The following MEGF6 variants were observed in gnomAD, a reference collection of about 807,000 sequenced individuals.
MEGF6 encodes multiple epidermal growth factor-like domains protein 6.
MEGF6 carries 184 observed loss-of-function variants against 207.1 expected under a neutral mutation model. That is an observed-to-expected ratio of 0.89 (90% confidence interval 0.79 to 1.00). The LOEUF is 1.00. Ranked by LOEUF, MEGF6 falls within the 50% of genes least tolerant of loss-of-function variation. The probability of loss-of-function intolerance (pLI) is 0.00; values close to 1 mark genes in which losing one functional copy is unlikely to be tolerated. For synonymous variants in MEGF6, 1,038 were observed against 910.0 expected (o/e 1.14, Z -2.53); for missense variants, 2,282 against 2,202.9 (o/e 1.04, Z -0.72).
Position 3,494,594 on chromosome 1 carries a change from G to A in MEGF6, c.4000+19C>T, listed in dbSNP as rs758737799. On this transcript the variant is annotated intron_variant, in intron 31 of 36. Transcript: ENST00000356575. ...CTCCCTGAGGGGATGCTGGGGTCCCGCTGGCCCCGCACACTCACCCAGCTC... is the reference window on the plus strand; with the variant it reads ...CTCCCTGAGGGGATGCTGGGGTCCCACTGGCCCCGCACACTCACCCAGCTC... 3.2e-6 allele frequency: 5 copies of A among 1,559,040 alleles called. No individual in the cohort carries two copies. The highest frequency in any genetic ancestry group is 3.5e-6 in the Non-Finnish European group (4 of 1,155,090).
the MEGF6 span, among the ~76,000 whole-genome samples, chr1:3,619,813 G>A: frequency 1.3e-5 from 2 of 152,232 alleles, no homozygotes; most frequent in African/African-American, 4.8e-5. Context: ...CTGATATTAA[G>A]ATACCTGAAA....
At chr1:3,569,032 C>T (rs1419257794) in intron 4 of MEGF6, among the ~76,000 whole-genome samples, 1 of 152,194 alleles carries the variant, frequency 6.6e-6, no homozygotes, top group Admixed American at 6.5e-5. Context: ...CTGGCAGCTG[C>T]CCGGTACGGG....
chr1:3,571,396 GC>G (rs1332219805), intron 4 of MEGF6, among the ~76,000 whole-genome samples: 1 of 152,102 alleles, frequency 6.6e-6, no homozygotes, highest in Non-Finnish European at 1.5e-5. Flanking sequence ...ACCAAGGCCA[GC>G]CTGCCCCAAA....
intron 4 of MEGF6, among the ~76,000 whole-genome samples, chr1:3,542,588 C>T (rs372849120): frequency 9.2e-5 from 14 of 152,300 alleles, no homozygotes; most frequent in East Asian, 3.9e-4. Flanking sequence ...ATGGGCCACA[C>T]GAGTGGGGCA....
chr1:3,529,243 G>A (rs902751248), intron 4 of MEGF6, among the ~76,000 whole-genome samples: 9 of 152,198 alleles, frequency 5.9e-5, no homozygotes, highest in Non-Finnish European at 1.3e-4. Context: ...GAGACTCAGA[G>A]GCCAGTGTGG....
At chr1:3,509,294 T>A in intron 11 of MEGF6, 49 bp from the exon 12 acceptor site, 1 of 1,378,198 alleles carries the variant, frequency 7.3e-7, no homozygotes, top group Non-Finnish European at 9.4e-7. Context: ...ACCTGCCTGC[T>A]CCAGCGACCC....
At chr1:3,511,004 C>T in intron 9 of MEGF6, 102 bp from the exon 10 acceptor site, 3 of 1,471,394 alleles carry the variant, frequency 2.0e-6, no homozygotes, top group South Asian at 2.7e-5. Context: ...CCCACGCGCC[C>T]GACTGCACCT....
chr1:3,514,663 G>T lies in MEGF6; in HGVS notation c.740C>A (p.Pro247Gln). The T allele has an allele frequency of 1.9e-6, 3 of 1,580,440 alleles. No individual in the cohort carries two copies. The South Asian group carries it at 3.4e-5, about 18-fold the overall frequency. The change falls in exon 7 of 37, where the codon CCG becomes CAG. Residue 247 changes from proline to glutamine, a missense_variant. By Grantham distance (76) the Pro-to-Gln change is moderately conservative. Transcript: ENST00000356575. ...EDGRHCVRRS[P>Q]CANRNGSCMH... is the part of the protein sequence containing the mutation. ...GCAGCTGCCGTTCCTGTTGGCACACGGGCTTCTACCTGCAGCCACGGGCCC... is the reference window on the plus strand; with the variant it reads ...GCAGCTGCCGTTCCTGTTGGCACACTGGCTTCTACCTGCAGCCACGGGCCC...
intron 4 of MEGF6, among the ~76,000 whole-genome samples, chr1:3,567,108 C>T (rs1326548545): frequency 1.3e-5 from 2 of 152,248 alleles, no homozygotes. Flanking sequence ...GGCCCCAGCC[C>T]TGGTCGCACG....
rs954416618 is a variant in MEGF6, at chr1:3,494,105, G to A, written c.4149C>T (p.His1383=). ...ACEHPCPPGF[H]GAGCQGLCWC... Reference sequence around the variant, plus strand: ...AGCACAACCCCTGGCAGCCAGCCCCGTGGAAGCCAGGGGGACAGGCTGAAG... The same window carrying A: ...AGCACAACCCCTGGCAGCCAGCCCCATGGAAGCCAGGGGGACAGGCTGAAG... Residue 1383 remains histidine, a synonymous_variant, in exon 33 of 37, where the codon CAC becomes CAT. Coordinates refer to ENST00000356575, the MANE Select transcript of MEGF6 (RefSeq NM_001409.4). The A allele has an allele frequency of 7.6e-6, 12 of 1,577,040 alleles. No individual in the cohort carries two copies. Among genetic ancestry groups the A allele is most frequent in the Admixed American group, 1.8e-5 (1 of 56,402 alleles).
chr1:3,501,726 G>A, intron 18 of MEGF6, 70 bp downstream of exon 18: 2 of 1,561,324 alleles, frequency 1.3e-6, no homozygotes, highest in South Asian at 2.4e-5. Context: ...GGCCCCCACA[G>A]TTCAGGGCCC....
At chr1:3,612,105 C>A, upstream of MEGF6, among the ~76,000 whole-genome samples, 1 of 152,200 alleles carries the variant, frequency 6.6e-6, no homozygotes, top group East Asian at 1.9e-4. Context: ...GCGTGGCCAG[C>A]CTCTGCAGCC....
intron 2 of MEGF6, among the ~76,000 whole-genome samples, chr1:3,601,128 G>C (rs1392716571): frequency 6.6e-6 from 1 of 152,184 alleles, no homozygotes; most frequent in East Asian, 1.9e-4. Flanking sequence ...CTCCCACCCT[G>C]CCTTCAGGCT....
At position 3,495,880 on chromosome 1, in the gene MEGF6, G is replaced by T; in HGVS notation, c.3871+10C>A. 6.3e-7 allele frequency: 1 copy of T among 1,597,928 alleles called. No homozygotes were observed. The highest frequency in any genetic ancestry group is 1.1e-5 in the South Asian group (1 of 90,690). ...GGCCTGTGAGCATGCCCTCTGGAGT[G>T]AACACTCACCTCGCTCACAGCGGAC... On this transcript the variant is annotated intron_variant, in intron 30 of 36. Coordinates refer to ENST00000356575, the MANE Select transcript of MEGF6 (RefSeq NM_001409.4).
In MEGF6 at chr1:3,565,490, G is replaced by A. The variant is rs1258455203; in HGVS notation, c.481+14335C>T. ...CTTGATTGCAGGAGGCCCCTTCCAAGAGGGGTCCAGGGAGCAGGACCAGGA... is the reference window on the plus strand; with the variant it reads ...CTTGATTGCAGGAGGCCCCTTCCAAAAGGGGTCCAGGGAGCAGGACCAGGA... On this transcript the variant is annotated intron_variant, in intron 4 of 36. Coordinates refer to ENST00000356575, the MANE Select transcript of MEGF6 (RefSeq NM_001409.4). The surrounding 1 kb of genome is among the most constrained non-coding windows in gnomAD (Gnocchi z 4.8). Among the ~76,000 whole-genome samples the A allele has an allele frequency of 6.6e-6, 1 of 152,222 alleles. No individual in the cohort carries two copies. The highest frequency in any genetic ancestry group is 1.5e-5 in the Non-Finnish European group (1 of 68,034).
chr1:3,595,904 C>T (rs546238696), intron 2 of MEGF6, among the ~76,000 whole-genome samples: 12 of 152,264 alleles, frequency 7.9e-5, no homozygotes, highest in South Asian at 6.2e-4. Context: ...TGCCCGGGAC[C>T]GGGTGGGCTG....
intron 3 of MEGF6, among the ~76,000 whole-genome samples, chr1:3,590,276 A>G (rs1643954715): frequency 6.6e-6 from 1 of 152,208 alleles, no homozygotes; most frequent in Non-Finnish European, 1.5e-5. Flanking sequence ...GGGGTGCCCA[A>G]GGTAAATGGT....
chr1:3,493,715 T>C (rs1296550519), intron 34 of MEGF6, 56 bp downstream of exon 34: 74 of 1,586,120 alleles, frequency 4.7e-5, no homozygotes, highest in Non-Finnish European at 5.9e-5. Context: ...CAATCAATAT[T>C]GGTCACTGAT....
At chr1:3,561,978 T>C (rs1232454091) in intron 4 of MEGF6, among the ~76,000 whole-genome samples, 1 of 152,224 alleles carries the variant, frequency 6.6e-6, no homozygotes, top group African/African-American at 2.4e-5. Flanking sequence ...CTCCCCTCCG[T>C]GGCCGAGTTC....
Sources: gnomAD v4.1 joint callset for allele counts (sites outside exome capture counted in the v4.1 genomes callset) on GRCh38, gnomAD v4.1.1 for gene constraint, Gnocchi (gnomAD v3.1) non-coding constraint, MANE v1.5 for transcripts, NCBI Gene and HGNC (gene_info 2026-07-23, HGNC 2026-07-21) for gene names.